The following AMOTL1 variants were observed in gnomAD, a reference collection of about 807,000 sequenced individuals.
AMOTL1 encodes the protein angiomotin-like protein 1.
Under a neutral mutation model 102.9 loss-of-function variants are expected in AMOTL1, and 45 were observed. The observed-to-expected ratio is 0.44, with a 90% CI of 0.34 to 0.56. The LOEUF is 0.56. Among genes scored for constraint, AMOTL1 ranks in the 20% least tolerant of loss-of-function variants. The pLI, the probability that AMOTL1 is intolerant of heterozygous loss-of-function variation, is 0.01. For missense variants in AMOTL1, 1,114 were observed against 1,225.6 expected (o/e 0.91, Z 1.36); for synonymous variants, 481 against 484.7 (o/e 0.99, Z 0.10).
chr11:94,837,024 G>A (rs1034873344), intron 6 of AMOTL1, among the ~76,000 whole-genome samples: 6 of 152,178 alleles, frequency 3.9e-5, no homozygotes, highest in Admixed American at 3.3e-4. Flanking sequence ...GAGCAAAGGG[G>A]AAGGATTGTC....
At chr11:94,710,464 TCA>T (rs369072512) in intron 1 of AMOTL1, among the ~76,000 whole-genome samples, 8 of 152,352 alleles carry the variant, frequency 5.3e-5, no homozygotes, top group African/African-American at 1.9e-4. Flanking sequence ...TAATGCCATC[TCA>T]CAAGGTTCGT....
rs139533544 is a variant in AMOTL1 at position 94,763,284 on chromosome 11, TACG to T, written c.136+22299_136+22301del. Among the ~76,000 whole-genome samples, 1,230 of 152,308 alleles carry T rather than the reference TACG, an allele frequency of 8.1e-3. 20 individuals carry two copies. The highest frequency in any genetic ancestry group is 0.028 in the African/African-American group (1,173 of 41,544). On this transcript the variant is annotated intron_variant, in intron 3 of 4. Coordinates refer to the AMOTL1 transcript ENST00000299004. ...TCATCCCCTTGCCCTTTCCTCTCCT[TACG>T]ACAATGTACACTCAGTACTCTCTGC...
At chr11:94,739,537 T>C (rs1047079551) in intron 2 of AMOTL1, among the ~76,000 whole-genome samples, 5 of 152,176 alleles carry the variant, frequency 3.3e-5, no homozygotes, top group Admixed American at 6.5e-5. Context: ...GCTGAGTGTT[T>C]ACAGGATGAG....
At chr11:94,761,769 A>G (rs1333357696) in intron 3 of AMOTL1, among the ~76,000 whole-genome samples, 2 of 152,100 alleles carry the variant, frequency 1.3e-5, no homozygotes, top group Non-Finnish European at 2.9e-5. Context: ...GCCATTAGGA[A>G]TGGTGAGAAT....
intron 1 of AMOTL1, among the ~76,000 whole-genome samples, chr11:94,728,110 T>C (rs1950289422): frequency 6.6e-6 from 1 of 152,214 alleles, no homozygotes; most frequent in South Asian, 2.1e-4. Context: ...ACAGATGTGA[T>C]GAATCAGTCA....
chr11:94,823,624 C>A (rs758681089), intron 4 of AMOTL1, among the ~76,000 whole-genome samples: 5 of 152,118 alleles, frequency 3.3e-5, no homozygotes, highest in Non-Finnish European at 7.4e-5. Context: ...GAGTTTGGTG[C>A]TGGGGTTTTT....
intron 4 of AMOTL1, among the ~76,000 whole-genome samples, chr11:94,824,031 TTCTTGA>T (rs1223537703): frequency 6.6e-6 from 1 of 152,124 alleles, no homozygotes; most frequent in Non-Finnish European, 1.5e-5. Flanking sequence ...ATACATCTCT[TTCTTGA>T]TTTTGATGCA....
At chr11:94,836,362 T>C (rs1952181081) in intron 6 of AMOTL1, among the ~76,000 whole-genome samples, 1 of 152,184 alleles carries the variant, frequency 6.6e-6, no homozygotes. Context: ...CTGGGCTCCT[T>C]GGGGTGAAGC....
rs1341707520 is a variant in AMOTL1, at chr11:94,876,370, G to C, written c.*5575G>C. The C allele has an allele frequency of 6.6e-6, 1 of 152,654 alleles. No homozygotes were observed. The highest frequency in any genetic ancestry group is 1.5e-5 in the Non-Finnish European group (1 of 68,048). 9.5% of individuals were successfully genotyped at this position (152,654 alleles called of 1,614,324 possible). Reference sequence around the variant, plus strand: ...TCCTGCTGCCGCTGCCCTCCAACCTGCTCTGTGTGTGTGTGTCGCTGTGCT... The same window carrying C: ...TCCTGCTGCCGCTGCCCTCCAACCTCCTCTGTGTGTGTGTGTCGCTGTGCT... On this transcript the variant is annotated 3_prime_UTR_variant, in exon 13 of 13. Coordinates refer to ENST00000433060, the MANE Select transcript of AMOTL1 (RefSeq NM_130847.3).
intron 1 of AMOTL1, among the ~76,000 whole-genome samples, chr11:94,778,649 C>A (rs1951061752): frequency 6.6e-6 from 1 of 152,188 alleles, no homozygotes; most frequent in East Asian, 1.9e-4. Flanking sequence ...GTTACTATTG[C>A]AACATTTTAT....
chr11:94,800,241 G>T lies in AMOTL1; in HGVS notation c.1051G>T (p.Ala351Ser). 6.2e-7 allele frequency: 1 copy of T among 1,613,966 alleles called. No individual in the cohort carries two copies. Among genetic ancestry groups the T allele is most frequent in the Middle Eastern group, 1.7e-4 (1 of 6,060 alleles). The change falls in exon 3 of 13, where the codon GCT (alanine) becomes TCT (serine). Residue 351 changes from alanine (A) to serine (S), a missense_variant. Ala to Ser is a moderately conservative substitution (Grantham distance 99, BLOSUM62 1). Coordinates refer to ENST00000433060, the MANE Select transcript of AMOTL1 (RefSeq NM_130847.3). Reference sequence around the variant, plus strand: ...CCACGAGATGGTCAAGCCCTACCCTGCTCCTCAGCCTGTGAGAACAGATGT... The same window carrying T: ...CCACGAGATGGTCAAGCCCTACCCTTCTCCTCAGCCTGTGAGAACAGATGT... The part of the protein sequence containing the change: ...MLHEMVKPYP[A>S]PQPVRTDVAV...
intron 6 of AMOTL1, among the ~76,000 whole-genome samples, chr11:94,835,300 CAACTT>C (rs1224595459): frequency 8.5e-5 from 13 of 152,154 alleles, no homozygotes; most frequent in African/African-American, 2.7e-4. Context: ...CTTTGTCCCT[CAACTT>C]AACTAAGGTT....
intron 3 of AMOTL1, among the ~76,000 whole-genome samples, chr11:94,821,001 T>C (rs1486701546): frequency 6.6e-6 from 1 of 152,178 alleles, no homozygotes; most frequent in Non-Finnish European, 1.5e-5. Flanking sequence ...TGTGTACTGG[T>C]CCATGGCCCA....
rs190649013 is a variant in AMOTL1 at position 94,794,789 on chromosome 11, G to A, written c.50-222G>A. On this transcript the variant is annotated intron_variant, in intron 1 of 12. Coordinates refer to ENST00000433060, the MANE Select transcript of AMOTL1 (RefSeq NM_130847.3). Reference sequence around the variant, plus strand: ...GAGCATTTGCGCCTTCACTCAGTGTGTCTTGAGGACTGTTATGTTGACCTC... The same window carrying A: ...GAGCATTTGCGCCTTCACTCAGTGTATCTTGAGGACTGTTATGTTGACCTC... Among the ~76,000 whole-genome samples the A allele has an allele frequency of 2.4e-3, 365 of 152,302 alleles. 2 individuals are homozygous for A. The highest frequency in any genetic ancestry group is 8.5e-3 in the African/African-American group (354 of 41,550).
chr11:94,860,327 T>G (rs1015053322), intron 9 of AMOTL1, among the ~76,000 whole-genome samples: 2 of 152,234 alleles, frequency 1.3e-5, no homozygotes, highest in Non-Finnish European at 2.9e-5. Context: ...CAAATGGAGA[T>G]CTGCCTGGCT....
intron 2 of AMOTL1, chr11:94,740,431 G>T (rs529682614): frequency 2.0e-5 from 3 of 152,012 alleles, no homozygotes; most frequent in Non-Finnish European, 4.4e-5. Flanking sequence ...GCGCCTCTGC[G>T]GAGCGTGACG....
intron 9 of AMOTL1, among the ~76,000 whole-genome samples, chr11:94,860,072 A>C (rs921543969): frequency 9.2e-5 from 14 of 152,238 alleles, no homozygotes; most frequent in African/African-American, 3.1e-4. Context: ...TTAATAATTT[A>C]AAGTACATAA....
chr11:94,735,310 C>CA (rs1388367512), intron 2 of AMOTL1, among the ~76,000 whole-genome samples: 1 of 152,170 alleles, frequency 6.6e-6, no homozygotes, highest in Non-Finnish European at 1.5e-5. Context: ...ATTGTACCCC[C>CA]AAAAAAGTAT....
Position 94,866,074 on chromosome 11 carries a change from A to C in AMOTL1, c.2394A>C (p.Ala798=). The change falls in exon 11 of 13, where the codon GCA becomes GCC. Residue 798 remains alanine, a synonymous_variant. Coordinates refer to ENST00000433060, the MANE Select transcript of AMOTL1 (RefSeq NM_130847.3). ...LRPARSVPSI[A]AATGTHSRQT... ...CTGCCCGCTCCGTTCCATCCATAGCAGCAGCTACTGGGACACACTCTCGCC... is the reference window on the plus strand; with the variant it reads ...CTGCCCGCTCCGTTCCATCCATAGCCGCAGCTACTGGGACACACTCTCGCC... 1 of 1,614,022 alleles carries C rather than the reference A, an allele frequency of 6.2e-7. No homozygotes were observed. The highest frequency in any genetic ancestry group is 8.5e-7 in the Non-Finnish European group (1 of 1,179,898).
Sources: allele counts gnomAD v4.1 joint callset (sites outside exome capture counted in the v4.1 genomes callset), GRCh38; gene constraint gnomAD v4.1.1; transcripts MANE v1.5; gene names NCBI Gene and HGNC (gene_info 2026-07-23, HGNC 2026-07-21).